Variants in EGFLAM observed in about 807,000 individuals in gnomAD.
EGFLAM encodes pikachurin.
In EGFLAM, 79 loss-of-function variants were observed where a neutral mutation model predicts 113.1. The ratio of observed to expected loss-of-function variants is 0.70; its 90% CI spans 0.58 to 0.84. EGFLAM has a LOEUF of 0.84. Among genes scored for constraint, EGFLAM ranks in the 40% least tolerant of loss-of-function variants. The pLI, the probability that EGFLAM is intolerant of heterozygous loss-of-function variation, is 0.00. For missense variants in EGFLAM, 1,265 were observed against 1,291.6 expected (o/e 0.98, Z 0.32); for synonymous variants, 504 against 487.6 (o/e 1.03, Z -0.44).
chr5:38,409,468 G>A (rs1003229068), intron 10 of EGFLAM, among the ~76,000 whole-genome samples: 1 of 152,172 alleles, frequency 6.6e-6, no homozygotes, highest in Non-Finnish European at 1.5e-5. Flanking sequence ...TGGAGGTGCT[G>A]TTGAATGTAC....
At chr5:38,379,246 C>T (rs768169039) in intron 6 of EGFLAM, among the ~76,000 whole-genome samples, 11 of 152,150 alleles carry the variant, frequency 7.2e-5, no homozygotes, top group African/African-American at 1.9e-4. Flanking sequence ...ATGAAATAAA[C>T]GGACAGCAGG....
intron 6 of EGFLAM, among the ~76,000 whole-genome samples, chr5:38,378,179 C>T (rs540346784): frequency 6.6e-6 from 1 of 152,238 alleles, no homozygotes; most frequent in South Asian, 2.1e-4. Context: ...ATGCTGTTCC[C>T]CAGCACCCTC....
chr5:38,459,618 A>G (rs966626104), intron 20 of EGFLAM, among the ~76,000 whole-genome samples: 2 of 152,226 alleles, frequency 1.3e-5, no homozygotes, highest in Non-Finnish European at 1.5e-5. Context: ...AGAATTTATC[A>G]TAACCCTTTC....
chr5:38,433,635 T>TC (rs1206695814), intron 15 of EGFLAM, among the ~76,000 whole-genome samples: 1 of 152,004 alleles, frequency 6.6e-6, no homozygotes, highest in Non-Finnish European at 1.5e-5. Context: ...CATAATGCAA[T>TC]TTTTTTTCCT....
intron 1 of EGFLAM, chr5:38,305,609 C>A: frequency 3.4e-6 from 1 of 298,156 alleles, no homozygotes; most frequent in East Asian, 9.3e-5. Flanking sequence ...ACCAGTCCAA[C>A]TGGAACAGGT....
intron 1 of EGFLAM, among the ~76,000 whole-genome samples, chr5:38,288,998 T>C (rs1354660335): frequency 2.6e-5 from 4 of 152,216 alleles, no homozygotes; most frequent in African/African-American, 7.2e-5. Flanking sequence ...AGAAACCCTC[T>C]GTGGCTCATC....
intron 5 of EGFLAM, among the ~76,000 whole-genome samples, chr5:38,355,746 C>T (rs1739747244): frequency 6.6e-6 from 1 of 152,120 alleles, no homozygotes; most frequent in African/African-American, 2.4e-5. Context: ...ATCTAAGGGG[C>T]TCAAGGTCTC....
In EGFLAM at chr5:38,352,233, T is replaced by A. The variant is rs574677808; in HGVS notation, c.447T>A (p.His149Gln). The A allele has an allele frequency of 2.1e-5, 34 of 1,614,094 alleles. No individual in the cohort carries two copies. Among genetic ancestry groups the A allele is most frequent in the African/African-American group, 8.0e-5 (6 of 75,032 alleles). Residue 149 changes from histidine to glutamine, a missense_variant, in exon 5 of 22, where the codon CAT (histidine) becomes CAA (glutamine). Physicochemically the swap from His to Gln is conservative, Grantham distance 24 (BLOSUM62 0). Transcript: ENST00000322350. ...CLPPAAPQQP[H>Q]VIVVSDSEVA... ...CTCCTGCAGCTCCCCAGCAGCCACA[T>A]GTCATTGTGGTTTCGGATTCTGAGG...
At chr5:38,461,414 A>T (rs1311372795) in intron 20 of EGFLAM, 1 of 152,244 alleles carries the variant, frequency 6.6e-6, no homozygotes, top group Non-Finnish European at 1.5e-5. Context: ...GATGCCATTG[A>T]TTATAAGGTA....
intron 16 of EGFLAM, among the ~76,000 whole-genome samples, chr5:38,436,968 A>G (rs1421843260): frequency 6.6e-6 from 1 of 152,196 alleles, no homozygotes; most frequent in Admixed American, 6.5e-5. Context: ...TGCCATTGCT[A>G]ACCTCTTATA....
At chr5:38,349,327 T>C (rs1382720826) in intron 3 of EGFLAM, among the ~76,000 whole-genome samples, 1 of 152,198 alleles carries the variant, frequency 6.6e-6, no homozygotes, top group Non-Finnish European at 1.5e-5. Flanking sequence ...GCTTGGCCTT[T>C]GGAGTAGTCA....
intron 12 of EGFLAM, among the ~76,000 whole-genome samples, chr5:38,419,724 AC>A (rs1268248089): frequency 6.6e-6 from 1 of 152,170 alleles, no homozygotes; most frequent in Non-Finnish European, 1.5e-5. Context: ...CATTAGCCTT[AC>A]TTTACAGATA....
At chr5:38,287,821 A>G (rs1414128978) in intron 1 of EGFLAM, among the ~76,000 whole-genome samples, 4 of 152,236 alleles carry the variant, frequency 2.6e-5, no homozygotes. Context: ...GGCAATGACA[A>G]ATCAACGTGA....
chr5:38,351,702 C>G (rs1266878712), intron 4 of EGFLAM, among the ~76,000 whole-genome samples: 1 of 152,064 alleles, frequency 6.6e-6, no homozygotes, highest in East Asian at 1.9e-4. Context: ...TCCCAAATGA[C>G]CTACCATTAC....
chr5:38,411,223 A>T (rs1229506723), intron 10 of EGFLAM, among the ~76,000 whole-genome samples: 1 of 152,046 alleles, frequency 6.6e-6, no homozygotes, highest in Non-Finnish European at 1.5e-5. Flanking sequence ...AGGTCAGGAG[A>T]TCGAGACCAT....
At chr5:38,441,484 C>T (rs189742975) in intron 17 of EGFLAM, among the ~76,000 whole-genome samples, 1 of 152,048 alleles carries the variant, frequency 6.6e-6, no homozygotes, top group East Asian at 1.9e-4. Flanking sequence ...ATCCTGTGTC[C>T]CAGTTCCTCA....
chr5:38,422,929 G>A (rs2961895), intron 12 of EGFLAM, among the ~76,000 whole-genome samples: 2,570 of 152,294 alleles, frequency 0.017, 74 homozygotes, highest in African/African-American at 0.058. Context: ...CCCATGCTCA[G>A]GTTCTCTCCA....
intron 9 of EGFLAM, 116 bp from the exon 10 acceptor site, chr5:38,408,887 GT>G: frequency 1.2e-6 from 1 of 857,094 alleles, no homozygotes; most frequent in East Asian, 2.6e-5. Flanking sequence ...TTGACCCTTT[GT>G]AGATAGGATC....
Position 38,338,762 on chromosome 5 carries a change from G to A in EGFLAM, c.272G>A (p.Ser91Asn), listed in dbSNP as rs1475019108. 3 of 1,614,096 alleles carry A rather than the reference G, an allele frequency of 1.9e-6. No homozygotes were observed. Among genetic ancestry groups the A allele is most frequent in the Non-Finnish European group, 2.5e-6 (3 of 1,180,052 alleles). The change falls in exon 3 of 22, where the codon AGC becomes AAC. Residue 91 changes from serine to asparagine, a missense_variant. Coordinates refer to ENST00000322350, the MANE Select transcript of EGFLAM (RefSeq NM_152403.4). ...LQEQLHSVPL[S>N]RDIPTTEEVI... ...GAGCAGTTGCACAGCGTGCCTCTCA[G>A]CCGGGACATCCCGACCACGGTGAGT...
Sources: allele counts gnomAD v4.1 joint callset (sites outside exome capture counted in the v4.1 genomes callset), GRCh38; gene constraint gnomAD v4.1.1; transcripts MANE v1.5; gene names NCBI Gene and HGNC (gene_info 2026-07-23, HGNC 2026-07-21).